Variants in ERBB4 observed in about 807,000 individuals in gnomAD.
ERBB4 encodes the protein receptor tyrosine-protein kinase erbB-4.
In ERBB4, 42 loss-of-function variants were observed where a neutral mutation model predicts 158.0. That is an observed-to-expected ratio of 0.27 (90% CI 0.21 to 0.34). The LOEUF (loss-of-function observed/expected upper bound fraction) is 0.34. Ranked by LOEUF, ERBB4 falls within the 10% of genes least tolerant of loss-of-function variation. The pLI is 1.00. For synonymous variants in ERBB4, 583 were observed against 558.7 expected, an observed-to-expected ratio of 1.04 and a Z score of -0.61; for missense variants, 1,333 against 1,624.1, an observed-to-expected ratio of 0.82 and a Z score of 3.08.
chr2:211,485,559 A>G (rs1285265129), intron 20 of ERBB4, among the ~76,000 whole-genome samples: 1 of 152,126 alleles, frequency 6.6e-6, no homozygotes, highest in African/African-American at 2.4e-5. Context: ...CAAGTCCTGT[A>G]AGCCACTATT....
At chr2:211,426,912 T>C (rs2125418199) in intron 22 of ERBB4, among the ~76,000 whole-genome samples, 1 of 152,084 alleles carries the variant, frequency 6.6e-6, no homozygotes, top group African/African-American at 2.4e-5. Flanking sequence ...ATATAATATA[T>C]AAAGTTATCA....
chr2:211,642,735 G>C (rs2070642998), intron 16 of ERBB4, among the ~76,000 whole-genome samples: 1 of 152,046 alleles, frequency 6.6e-6, no homozygotes, highest in Non-Finnish European at 1.5e-5. Context: ...CTGGATGAAA[G>C]TTTACTTCCA....
chr2:212,509,724 C>T (rs1390049835), intron 1 of ERBB4, among the ~76,000 whole-genome samples: 2 of 151,932 alleles, frequency 1.3e-5, no homozygotes, highest in Non-Finnish European at 2.9e-5. Context: ...AGAGCCCCTG[C>T]TTCAGAAACT....
At chr2:211,729,319 A>G (rs1285904442) in intron 5 of ERBB4, among the ~76,000 whole-genome samples, 1 of 151,764 alleles carries the variant, frequency 6.6e-6, no homozygotes, top group Non-Finnish European at 1.5e-5. Context: ...AAATCAGTCT[A>G]TAATTGATTT....
intron 19 of ERBB4, among the ~76,000 whole-genome samples, chr2:211,610,129 A>G (rs2069138013): frequency 6.6e-6 from 1 of 152,114 alleles, no homozygotes; most frequent in Non-Finnish European, 1.5e-5. Context: ...GAGAATTTTT[A>G]TCTTTTATCC....
At chr2:211,931,227 C>T (rs2080166603) in intron 3 of ERBB4, among the ~76,000 whole-genome samples, 1 of 151,932 alleles carries the variant, frequency 6.6e-6, no homozygotes, top group Non-Finnish European at 1.5e-5. Flanking sequence ...ATTATTTAGC[C>T]TTAGCAGGAA....
chr2:211,763,897 T>C (rs866053642), intron 4 of ERBB4, among the ~76,000 whole-genome samples: 4 of 149,968 alleles, frequency 2.7e-5, no homozygotes, highest in Non-Finnish European at 4.4e-5. Context: ...TGCGTGTGTA[T>C]ACACACACAC....
chr2:211,841,922 A>T (rs1245423687), intron 3 of ERBB4, among the ~76,000 whole-genome samples: 1 of 152,072 alleles, frequency 6.6e-6, no homozygotes, highest in African/African-American at 2.4e-5. Context: ...TTCAGCAGTT[A>T]AAATTATATA....
intron 3 of ERBB4, among the ~76,000 whole-genome samples, chr2:211,896,288 T>C (rs972823204): frequency 6.6e-6 from 1 of 152,176 alleles, no homozygotes; most frequent in Non-Finnish European, 1.5e-5. Context: ...CTGTAATCTT[T>C]TCTATTTGGT....
Position 212,452,900 on chromosome 2 carries a change from C to G in ERBB4, c.82+85549G>C, listed in dbSNP as rs953826325. Reference sequence around the variant, plus strand: ...CCATTCAAGGAAATGTAAAAGGTAGCATTACTAATATAGTTCTCAAAACTG... The same window carrying G: ...CCATTCAAGGAAATGTAAAAGGTAGGATTACTAATATAGTTCTCAAAACTG... On this transcript the variant is annotated intron_variant, in intron 1 of 27. Transcript: ENST00000342788. 2.0e-5 allele frequency among the ~76,000 whole-genome samples: 3 copies of G among 152,050 alleles called. No individual in the cohort carries two copies. The East Asian group carries it at 5.8e-4, about 29-fold the overall frequency.
chr2:212,257,611 C>T (rs1263782897), intron 1 of ERBB4, among the ~76,000 whole-genome samples: 1 of 152,042 alleles, frequency 6.6e-6, no homozygotes, highest in Non-Finnish European at 1.5e-5. Flanking sequence ...AGCAGTAAGA[C>T]CCGAAACTTT....
At chr2:212,016,488 A>AAAT (rs10682547) in intron 2 of ERBB4, among the ~76,000 whole-genome samples, 4,275 of 152,240 alleles carry the variant, frequency 0.028, 74 homozygotes, top group Middle Eastern at 0.041. Flanking sequence ...AATTTATAAA[A>AAAT]AATCTACTGG....
chr2:212,243,932 G>A (rs753353506), intron 1 of ERBB4, among the ~76,000 whole-genome samples: 2 of 152,094 alleles, frequency 1.3e-5, no homozygotes, highest in Non-Finnish European at 2.9e-5. Context: ...CATTATAGTT[G>A]TATGAGGAAA....
intron 16 of ERBB4, among the ~76,000 whole-genome samples, chr2:211,634,445 T>C (rs2070278598): frequency 2.0e-5 from 3 of 152,194 alleles, no homozygotes; most frequent in Admixed American, 1.3e-4. Flanking sequence ...TCACATTTCT[T>C]ACTCCTCTGA....
At chr2:211,400,384 G>T (rs922013368) in intron 25 of ERBB4, among the ~76,000 whole-genome samples, 1 of 152,048 alleles carries the variant, frequency 6.6e-6, no homozygotes, top group African/African-American at 2.4e-5. Context: ...TCAACTAAAT[G>T]CTGCCTTCCA....
intron 1 of ERBB4, among the ~76,000 whole-genome samples, chr2:212,344,181 C>T (rs1409381407): frequency 1.3e-5 from 2 of 152,060 alleles, no homozygotes; most frequent in African/African-American, 4.8e-5. Context: ...AAGCTTAGTG[C>T]TCAAAAATAG....
At chr2:212,456,926 A>T (rs1257669962) in intron 1 of ERBB4, among the ~76,000 whole-genome samples, 4 of 151,896 alleles carry the variant, frequency 2.6e-5, no homozygotes, top group Non-Finnish European at 4.4e-5. Flanking sequence ...CATATTTTAC[A>T]TGTTCTATTA....
At position 212,044,453 on chromosome 2, in the gene ERBB4, CCCTTT is replaced by C. The variant is rs1468446135; in HGVS notation, c.234+80294_234+80298del. 1.1e-4 allele frequency among the ~76,000 whole-genome samples: 16 copies of C among 152,204 alleles called. No homozygotes were observed. In the South Asian group the frequency reaches 2.9e-3, roughly 28 times the overall value. On this transcript the variant is annotated intron_variant, in intron 2 of 27. Coordinates refer to ENST00000342788, the MANE Select transcript of ERBB4 (RefSeq NM_005235.3). ...TTTTTTCTAGTCTACCTAACCCTCC[CCCTTT>C]TGAAACAGATTTCGTATCAGAGTTA...
At chr2:211,634,803 G>A (rs76597463) in intron 16 of ERBB4, among the ~76,000 whole-genome samples, 4,327 of 152,158 alleles carry the variant, frequency 0.028, 222 homozygotes, top group African/African-American at 0.098. Flanking sequence ...TCAGCTTCTG[G>A]AGGAGCTGGG....
Sources: allele counts gnomAD v4.1 joint callset (sites outside exome capture counted in the v4.1 genomes callset), GRCh38; gene constraint gnomAD v4.1.1; transcripts MANE v1.5; gene names NCBI Gene and HGNC (gene_info 2026-07-23, HGNC 2026-07-21).